PSPC1: variants seen among roughly 807,000 people sequenced by gnomAD.
PSPC1 encodes the protein paraspeckle component 1, also known as paraspeckle protein 1.
Under a neutral mutation model 51.6 loss-of-function variants are expected in PSPC1, and 14 were observed. That is an observed-to-expected ratio of 0.27 (90% confidence interval 0.18 to 0.42). The LOEUF is 0.42. Ranked by LOEUF, PSPC1 falls within the 10% of genes least tolerant of loss-of-function variation. The pLI is 1.00. For missense variants in PSPC1, 406 were observed against 701.1 expected (o/e 0.58, Z 4.75); for synonymous variants, 193 against 231.9 (o/e 0.83, Z 1.53).
chr13:19,725,729 A>C (rs1883296543), intron 6 of PSPC1, among the ~76,000 whole-genome samples: 2 of 152,232 alleles, frequency 1.3e-5, no homozygotes, highest in South Asian at 4.1e-4. Flanking sequence ...TATTAGAACT[A>C]TGCACGCAAA....
chr13:19,781,498 G>T (rs1252219107), intron 1 of PSPC1, among the ~76,000 whole-genome samples: 1 of 152,124 alleles, frequency 6.6e-6, no homozygotes, highest in African/African-American at 2.4e-5. Context: ...AATTTATGAA[G>T]TAGTACTGTG....
At chr13:19,718,238 AAATAT>A (rs1199629714) in intron 6 of PSPC1, among the ~76,000 whole-genome samples, 2 of 152,192 alleles carry the variant, frequency 1.3e-5, no homozygotes, top group African/African-American at 4.8e-5. Context: ...GTAGTTTAAA[AAATAT>A]AAGACAATCT....
At chr13:19,701,640 T>G (rs1879915167), downstream of PSPC1, among the ~76,000 whole-genome samples, 2 of 152,198 alleles carry the variant, frequency 1.3e-5, no homozygotes, top group Admixed American at 1.3e-4. Context: ...AAAGAATGCA[T>G]CAATTATGCT....
chr13:19,705,794 A>T lies in PSPC1; in HGVS notation c.1254T>A (p.Pro418=). 1.9e-6 allele frequency: 3 copies of T among 1,613,350 alleles called. No individual in the cohort carries two copies. The highest frequency in any genetic ancestry group is 2.5e-6 in the Non-Finnish European group (3 of 1,179,476). ...TCATATTCATACCCATCATTGGAGGAGGACCTTGGTTACCAGCAGGGGCTG... is the reference window on the plus strand; with the variant it reads ...TCATATTCATACCCATCATTGGAGGTGGACCTTGGTTACCAGCAGGGGCTG... ...FSPAPAGNQG[P]PPMMGMNMNN... is the part of the protein sequence containing the mutation. Residue 418 remains proline, a synonymous_variant, in exon 8 of 9, where the codon CCT becomes CCA. Transcript: ENST00000338910.
Position 19,782,758 on chromosome 13 carries a change from C to T in PSPC1, c.-1G>A. 1 of 1,543,632 alleles carries T rather than the reference C, an allele frequency of 6.5e-7. No individual in the cohort carries two copies. The highest frequency in any genetic ancestry group is 1.2e-5 in the South Asian group (1 of 83,266). Reference sequence around the variant, plus strand: ...GCTTCAGGTTTCCTCTTAACATCATCTTACTGAGTTCGCCTCGGACACCGG... The same window carrying T: ...GCTTCAGGTTTCCTCTTAACATCATTTTACTGAGTTCGCCTCGGACACCGG... On this transcript the variant is annotated 5_prime_UTR_variant, in exon 1 of 9. Transcript: ENST00000338910. The surrounding 1 kb of genome is among the most constrained non-coding windows in gnomAD (Gnocchi z 4.5).
chr13:19,696,327 C>G (rs551765935), intron 6 of PSPC1, among the ~76,000 whole-genome samples: 2 of 152,214 alleles, frequency 1.3e-5, no homozygotes, highest in East Asian at 3.9e-4. Context: ...ATAGAATCTA[C>G]TTTCTGGGAT....
Position 19,761,613 on chromosome 13 carries a change from A to C in PSPC1, c.675-2195T>G, listed in dbSNP as rs1353598411. On this transcript the variant is annotated intron_variant, in intron 2 of 8. Coordinates refer to ENST00000338910, the MANE Select transcript of PSPC1 (RefSeq NM_001354909.2). ...ATTACTGAGTTAGTGAAGACATTTT[A>C]AGGAAACAGTTAAAGCAGGTATGGA... Among the ~76,000 whole-genome samples, 3 of 152,224 alleles carry C rather than the reference A, an allele frequency of 2.0e-5. No individual in the cohort carries two copies. The East Asian group carries it at 5.8e-4, about 29-fold the overall frequency.
intron 5 of PSPC1, among the ~76,000 whole-genome samples, chr13:19,734,616 A>G (rs930673373): frequency 1.3e-4 from 20 of 152,266 alleles, no homozygotes; most frequent in African/African-American, 4.6e-4. Flanking sequence ...AGCCTGGCCA[A>G]CATGGTGAAA....
Position 19,748,011 on chromosome 13 carries a change from C to T in PSPC1, c.967+3260G>A, listed in dbSNP as rs34729541. On this transcript the variant is annotated intron_variant, in intron 4 of 8. Coordinates refer to ENST00000338910, the MANE Select transcript of PSPC1 (RefSeq NM_001354909.2). ...GGTAGATCACTTGAGGTCAGGAGTT[C>T]GAAACCAGCTTGACCAACATGATGA... Among the ~76,000 whole-genome samples, 1,503 of 152,176 alleles carry T rather than the reference C, an allele frequency of 9.9e-3. 25 individuals carry two copies. Among genetic ancestry groups the T allele is most frequent in the African/African-American group, 0.031 (1,269 of 41,524 alleles).
intron 6 of PSPC1, among the ~76,000 whole-genome samples, chr13:19,727,764 T>C (rs1018048446): frequency 2.0e-5 from 3 of 152,204 alleles, no homozygotes; most frequent in Non-Finnish European, 2.9e-5. Flanking sequence ...AAAATTCTCA[T>C]TGCTTCCAGA....
intron 2 of PSPC1, among the ~76,000 whole-genome samples, chr13:19,761,618 AAC>A (rs1887612496): frequency 1.3e-5 from 2 of 152,320 alleles, no homozygotes; most frequent in East Asian, 3.8e-4. Flanking sequence ...ATTTTAAGGA[AAC>A]AGTTAAAGCA....
intron 4 of PSPC1, among the ~76,000 whole-genome samples, chr13:19,747,434 T>C (rs1886108290): frequency 6.6e-6 from 1 of 152,110 alleles, no homozygotes; most frequent in Non-Finnish European, 1.5e-5. Context: ...CAGGCTCAAG[T>C]GATCCTCCCA....
At chr13:19,750,084 T>C (rs1886383113) in intron 4 of PSPC1, among the ~76,000 whole-genome samples, 1 of 152,164 alleles carries the variant, frequency 6.6e-6, no homozygotes, top group Non-Finnish European at 1.5e-5. Flanking sequence ...AGTGAGAATT[T>C]ACCCAAAAGG....
At chr13:19,767,739 C>T (rs934232045) in intron 2 of PSPC1, among the ~76,000 whole-genome samples, 9 of 151,798 alleles carry the variant, frequency 5.9e-5, no homozygotes, top group Non-Finnish European at 1.3e-4. Context: ...AGGATTTTTA[C>T]GTCACACTCA....
intron 2 of PSPC1, among the ~76,000 whole-genome samples, chr13:19,766,480 C>T (rs1461022278): frequency 6.6e-6 from 1 of 152,014 alleles, no homozygotes; most frequent in East Asian, 1.9e-4. Flanking sequence ...ATCACTTGAG[C>T]CCAAGAGTTC....
chr13:19,688,373 T>C (rs532628943), intron 6 of PSPC1, among the ~76,000 whole-genome samples: 2 of 152,268 alleles, frequency 1.3e-5, no homozygotes, highest in South Asian at 4.1e-4. Context: ...ACAAGATGTA[T>C]GCTTTATTGA....
intron 7 of PSPC1, among the ~76,000 whole-genome samples, chr13:19,676,389 G>A (rs1199718963): frequency 6.6e-6 from 1 of 152,176 alleles, no homozygotes; most frequent in Non-Finnish European, 1.5e-5. Flanking sequence ...CTAGGCCTGA[G>A]AACCAAAGCC....
chr13:19,775,154 T>C (rs1232504981), intron 1 of PSPC1, among the ~76,000 whole-genome samples: 2 of 151,804 alleles, frequency 1.3e-5, no homozygotes, highest in Non-Finnish European at 2.9e-5. Context: ...CTAGCCAGCA[T>C]AGTGAAACCC....
chr13:19,711,486 A>C (rs1190003080), intron 6 of PSPC1, among the ~76,000 whole-genome samples: 1 of 151,966 alleles, frequency 6.6e-6, no homozygotes, highest in Non-Finnish European at 1.5e-5. Context: ...AATACAAAAA[A>C]AATTAGCCAG....
Sources: gnomAD v4.1 joint callset for allele counts (sites outside exome capture counted in the v4.1 genomes callset) on GRCh38, gnomAD v4.1.1 for gene constraint, Gnocchi (gnomAD v3.1) non-coding constraint, MANE v1.5 for transcripts, NCBI Gene and HGNC (gene_info 2026-07-23, HGNC 2026-07-21) for gene names.